Variants in VTCN1 observed in about 807,000 individuals in gnomAD.
VTCN1 encodes the protein V-set domain containing T cell activation inhibitor 1, also known as V-set domain-containing T-cell activation inhibitor 1.
Under a neutral mutation model 26.5 loss-of-function variants are expected in VTCN1, and 26 were observed. That is an observed-to-expected ratio of 0.98 (90% CI 0.72 to 1.36). The LOEUF (loss-of-function observed/expected upper bound fraction) is 1.36. Ranked by LOEUF, VTCN1 falls within the 40% of genes most tolerant of loss-of-function variation. The pLI is 0.00. For synonymous variants in VTCN1, 116 were observed against 130.7 expected (o/e 0.89, Z 0.77); for missense variants, 298 against 337.7 (o/e 0.88, Z 0.92).
intron 1 of VTCN1, among the ~76,000 whole-genome samples, chr1:117,188,542 A>G (rs1474332988): frequency 6.6e-6 from 1 of 152,246 alleles, no homozygotes; most frequent in Non-Finnish European, 1.5e-5. Flanking sequence ...AGATATAAAA[A>G]GAAATTATTC....
chr1:117,160,479 C>T (rs1652310375), intron 2 of VTCN1, among the ~76,000 whole-genome samples: 1 of 152,210 alleles, frequency 6.6e-6, no homozygotes, highest in African/African-American at 2.4e-5. Flanking sequence ...TATCTGTTTT[C>T]TAATCACTCA....
intron 1 of VTCN1, among the ~76,000 whole-genome samples, chr1:117,205,142 T>A (rs55824423): frequency 2.1e-4 from 8 of 38,084 alleles, no homozygotes; most frequent in Admixed American, 1.8e-3. Context: ...ATATATATAT[T>A]TTTATATATA....
chr1:117,153,721 G>C (rs1476447156), intron 3 of VTCN1, among the ~76,000 whole-genome samples: 2 of 152,096 alleles, frequency 1.3e-5, no homozygotes, highest in African/African-American at 4.8e-5. Context: ...ATTTTCCTAG[G>C]GATCTGTGAA....
At chr1:117,173,914 C>T (rs527573334) in intron 1 of VTCN1, among the ~76,000 whole-genome samples, 1 of 152,302 alleles carries the variant, frequency 6.6e-6, no homozygotes, top group Admixed American at 6.5e-5. Flanking sequence ...GTGAAAACAA[C>T]CCTGCCATCT....
chr1:117,174,628 G>A (rs1474928987), intron 1 of VTCN1, among the ~76,000 whole-genome samples: 7 of 152,288 alleles, frequency 4.6e-5, no homozygotes, highest in Non-Finnish European at 8.8e-5. Context: ...TTAGCTGGGC[G>A]TGGTGGCAAG....
At chr1:117,194,704 C>T (rs1424126283) in intron 1 of VTCN1, among the ~76,000 whole-genome samples, 1 of 152,192 alleles carries the variant, frequency 6.6e-6, no homozygotes, top group Non-Finnish European at 1.5e-5. Context: ...GGCAGGAAAT[C>T]CTGCCATTTG....
intron 1 of VTCN1, chr1:117,172,436 T>C (rs552092388): frequency 1.9e-6 from 1 of 518,816 alleles, no homozygotes; most frequent in Non-Finnish European, 3.9e-6. Flanking sequence ...TTCTTACTGG[T>C]CCAAGAGAGT....
chr1:117,209,100 C>G (rs966900435), intron 1 of VTCN1, among the ~76,000 whole-genome samples: 1 of 152,136 alleles, frequency 6.6e-6, no homozygotes, highest in Non-Finnish European at 1.5e-5. Flanking sequence ...GATCTGCCAC[C>G]CTCATGGACA....
intron 1 of VTCN1, among the ~76,000 whole-genome samples, chr1:117,178,842 T>C (rs1038510933): frequency 6.6e-6 from 1 of 152,048 alleles, no homozygotes; most frequent in Non-Finnish European, 1.5e-5. Flanking sequence ...CCTCCCACCT[T>C]GGCCTCTAGA....
chr1:117,203,574 T>C, intron 1 of VTCN1: 1 of 981,710 alleles, frequency 1.0e-6, no homozygotes, highest in South Asian at 4.7e-5. Flanking sequence ...GGTTTGGGAT[T>C]GTGAAAAGCG....
chr1:117,184,045 T>A (rs963479077), intron 1 of VTCN1, among the ~76,000 whole-genome samples: 1 of 152,204 alleles, frequency 6.6e-6, no homozygotes, highest in African/African-American at 2.4e-5. Flanking sequence ...CCCTTTAAAA[T>A]GAAATCTTGG....
At chr1:117,209,353 T>A (rs577127771) in intron 1 of VTCN1, among the ~76,000 whole-genome samples, 50 of 152,166 alleles carry the variant, frequency 3.3e-4, no homozygotes, top group Non-Finnish European at 4.9e-4. Context: ...GTGTTTCATG[T>A]CCTTGGGATC....
At chr1:117,203,415 T>C (rs370567059) in intron 1 of VTCN1, among the ~76,000 whole-genome samples, 3 of 152,214 alleles carry the variant, frequency 2.0e-5, no homozygotes, top group South Asian at 4.1e-4. Context: ...AAATCTTTCA[T>C]GGTTTTTATC....
At chr1:117,188,859 A>G (rs1438766555) in intron 1 of VTCN1, among the ~76,000 whole-genome samples, 2 of 152,218 alleles carry the variant, frequency 1.3e-5, no homozygotes, top group Admixed American at 1.3e-4. Flanking sequence ...AGGTCGTTTT[A>G]TGTGAACAAT....
intron 1 of VTCN1, among the ~76,000 whole-genome samples, chr1:117,170,509 A>G (rs1225319366): frequency 6.6e-6 from 1 of 152,142 alleles, no homozygotes; most frequent in African/African-American, 2.4e-5. Flanking sequence ...GCCACTTGAG[A>G]AGGACTGGTC....
chr1:117,168,075 G>C (rs997919100), intron 2 of VTCN1, among the ~76,000 whole-genome samples: 4 of 151,992 alleles, frequency 2.6e-5, no homozygotes, highest in African/African-American at 9.7e-5. Context: ...AACGAAACAG[G>C]CTAGTGAATT....
intron 1 of VTCN1, among the ~76,000 whole-genome samples, chr1:117,196,900 T>C (rs1648539157): frequency 6.6e-6 from 1 of 152,202 alleles, no homozygotes; most frequent in African/African-American, 2.4e-5. Flanking sequence ...CAGCAGCACC[T>C]GGAGCCCCTA....
intron 3 of VTCN1, 125 bp downstream of exon 3, chr1:117,156,448 AG>A: frequency 9.3e-7 from 1 of 1,076,578 alleles, no homozygotes; most frequent in South Asian, 1.8e-5. Context: ...TGGCAAAAAC[AG>A]CTGTTAGCAG....
rs971112257 is a variant in VTCN1 at position 117,155,694 on chromosome 1, C to A, written c.445+880G>T. ...CTGATTCTAGATCTGAGCTTCGAAT[C>A]ATTGCATATGCATGTTATGAGGTGT... On this transcript the variant is annotated intron_variant, in intron 3 of 5. Transcript: ENST00000369458. The surrounding 1 kb of genome is among the most constrained non-coding windows in gnomAD (Gnocchi z 4.8). Among the ~76,000 whole-genome samples, 5 of 152,104 alleles carry A rather than the reference C, an allele frequency of 3.3e-5. No homozygotes were observed. Among genetic ancestry groups the A allele is most frequent in the Non-Finnish European group, 5.9e-5 (4 of 68,018 alleles).
Sources: allele counts gnomAD v4.1 joint callset (sites outside exome capture counted in the v4.1 genomes callset), GRCh38; gene constraint gnomAD v4.1.1; non-coding constraint Gnocchi (gnomAD v3.1); transcripts MANE v1.5; gene names NCBI Gene and HGNC (gene_info 2026-07-23, HGNC 2026-07-21).